The following SPAG16 variants were observed in gnomAD, a reference collection of about 807,000 sequenced individuals.
SPAG16 encodes the protein sperm-associated antigen 16 protein.
Under a neutral mutation model 80.4 loss-of-function variants are expected in SPAG16, and 86 were observed. That is an observed-to-expected ratio of 1.07 (90% CI 0.90 to 1.28). The LOEUF (loss-of-function observed/expected upper bound fraction) is 1.28. Among genes scored for constraint, SPAG16 ranks in the 50% most tolerant of loss-of-function variants. The probability of loss-of-function intolerance (pLI) is 0.00; values close to 1 mark genes in which losing one functional copy is unlikely to be tolerated. For synonymous variants in SPAG16, 294 were observed against 265.9 expected (o/e 1.11, Z -1.03); for missense variants, 870 against 765.3 (o/e 1.14, Z -1.61).
chr2:213,536,858 G>A (rs1575879938), intron 10 of SPAG16, among the ~76,000 whole-genome samples: 1 of 152,040 alleles, frequency 6.6e-6, no homozygotes, highest in African/African-American at 2.4e-5. Context: ...AAAGACACAT[G>A]CACACGTATG....
chr2:214,024,092 A>G (rs1214014933), intron 13 of SPAG16, among the ~76,000 whole-genome samples: 1 of 151,662 alleles, frequency 6.6e-6, no homozygotes, highest in African/African-American at 2.4e-5. Flanking sequence ...TTCCCAATCA[A>G]TTATTTAGAA....
At chr2:213,950,200 C>T (rs2079679723) in intron 12 of SPAG16, among the ~76,000 whole-genome samples, 1 of 152,174 alleles carries the variant, frequency 6.6e-6, no homozygotes, top group African/African-American at 2.4e-5. Context: ...CTGCTTCATA[C>T]ATATCAATGC....
intron 10 of SPAG16, among the ~76,000 whole-genome samples, chr2:213,850,824 T>A (rs1451962881): frequency 6.6e-6 from 1 of 152,204 alleles, no homozygotes; most frequent in Non-Finnish European, 1.5e-5. Flanking sequence ...ATATGTTGAC[T>A]TTCCATAAAT....
intron 2 of SPAG16, 42 bp downstream of exon 2, chr2:213,296,152 C>T (rs201492997): frequency 1.5e-6 from 2 of 1,346,326 alleles, no homozygotes; most frequent in Non-Finnish European, 2.1e-6. Flanking sequence ...AAATTTATTG[C>T]AGTCATTCTC....
chr2:214,261,686 T>A (rs1341198579), intron 15 of SPAG16, among the ~76,000 whole-genome samples: 17 of 152,228 alleles, frequency 1.1e-4, no homozygotes, highest in Non-Finnish European at 2.9e-5. Context: ...TTTTTATTTG[T>A]GCTTATTAAG....
chr2:214,108,532 T>A (rs1449651198), intron 14 of SPAG16, among the ~76,000 whole-genome samples: 2 of 150,136 alleles, frequency 1.3e-5, no homozygotes, highest in Non-Finnish European at 3.0e-5. Flanking sequence ...TCTACTGTAG[T>A]CAACTTTACT....
chr2:213,524,687 G>A (rs2075818428), intron 10 of SPAG16, among the ~76,000 whole-genome samples: 1 of 152,188 alleles, frequency 6.6e-6, no homozygotes, highest in Non-Finnish European at 1.5e-5. Flanking sequence ...ACTTGCATGG[G>A]GCATGTAGCC....
intron 11 of SPAG16, among the ~76,000 whole-genome samples, chr2:213,893,384 C>T (rs115254716): frequency 7.0e-4 from 106 of 152,162 alleles, no homozygotes; most frequent in Non-Finnish European, 1.1e-3. Context: ...GTATAAAACC[C>T]ACTGTTATAA....
rs546133363 is a variant in SPAG16 at position 213,942,255 on chromosome 2, C to T, written c.1400+12110C>T. Among the ~76,000 whole-genome samples the T allele has an allele frequency of 3.3e-5, 5 of 152,230 alleles. No individual in the cohort carries two copies. In the East Asian group the frequency reaches 5.8e-4, roughly 18 times the overall value. On this transcript the variant is annotated intron_variant, in intron 12 of 15. Transcript: ENST00000331683. ...TGGAAAAAAATCAGAATCAGGCTGA[C>T]CTGTTTCATTTCATGTTTATAACCT...
chr2:213,685,005 T>C (rs1020710330), intron 10 of SPAG16, among the ~76,000 whole-genome samples: 1 of 152,206 alleles, frequency 6.6e-6, no homozygotes. Context: ...GGAAGTCCTC[T>C]TTAAGAGGTT....
chr2:213,798,253 T>TTTTG (rs1429922036), intron 10 of SPAG16, among the ~76,000 whole-genome samples: 2 of 152,184 alleles, frequency 1.3e-5, no homozygotes, highest in East Asian at 3.9e-4. Flanking sequence ...CTATGGCATT[T>TTTTG]TTTGTTTGTT....
In SPAG16 at chr2:213,833,612, C is replaced by T. The variant is rs71426347; in HGVS notation, c.1071-28873C>T. Among the ~76,000 whole-genome samples, 55 of 62,448 alleles carry T rather than the reference C, an allele frequency of 8.8e-4. 1 individual carries two copies. The highest frequency in any genetic ancestry group is 6.5e-3 in the Middle Eastern group (1 of 154). The allele number at this position is 62,448 out of a possible 152,430, so 41.0% of individuals were successfully genotyped here. On this transcript the variant is annotated intron_variant, in intron 10 of 15. Coordinates refer to ENST00000331683, the MANE Select transcript of SPAG16 (RefSeq NM_024532.5). ...TTATATATATATAAAATCTCCTTGA[C>T]CTAACTTGTTCAGATGTCATTTTAT...
chr2:214,198,060 A>G (rs1226271080), intron 15 of SPAG16, among the ~76,000 whole-genome samples: 2 of 152,032 alleles, frequency 1.3e-5, no homozygotes, highest in Non-Finnish European at 2.9e-5. Flanking sequence ...TATTTCAAAC[A>G]TGGTAGCAGA....
At chr2:214,151,522 A>C (rs1215506349) in intron 15 of SPAG16, among the ~76,000 whole-genome samples, 1 of 152,170 alleles carries the variant, frequency 6.6e-6, no homozygotes, top group Non-Finnish European at 1.5e-5. Flanking sequence ...GTAATCTCAA[A>C]ATACACATTC....
At chr2:214,271,011 A>C (rs528507608) in intron 15 of SPAG16, among the ~76,000 whole-genome samples, 2 of 152,302 alleles carry the variant, frequency 1.3e-5, no homozygotes, top group East Asian at 3.9e-4. Flanking sequence ...AAGTCTAGGA[A>C]ATGATTTCTG....
chr2:213,641,956 T>C (rs931805210), intron 10 of SPAG16, among the ~76,000 whole-genome samples: 1 of 152,188 alleles, frequency 6.6e-6, no homozygotes, highest in African/African-American at 2.4e-5. Context: ...CCATCAGATG[T>C]CATGATAAGT....
At chr2:213,723,447 G>T (rs1267718219) in intron 10 of SPAG16, among the ~76,000 whole-genome samples, 1 of 152,144 alleles carries the variant, frequency 6.6e-6, no homozygotes, top group East Asian at 1.9e-4. Flanking sequence ...GAAGTCTGAG[G>T]GAAAGATGGG....
At chr2:213,346,531 C>G (rs2065000504) in intron 6 of SPAG16, among the ~76,000 whole-genome samples, 1 of 152,092 alleles carries the variant, frequency 6.6e-6, no homozygotes, top group African/African-American at 2.4e-5. Context: ...TCATAGATAG[C>G]TCTTATTATT....
chr2:213,834,584 T>C (rs904973867), intron 10 of SPAG16, among the ~76,000 whole-genome samples: 1 of 152,122 alleles, frequency 6.6e-6, no homozygotes, highest in Admixed American at 6.6e-5. Flanking sequence ...GTGACCTTTC[T>C]AGGTTTTATG....
Sources: gnomAD v4.1 joint callset for allele counts (sites outside exome capture counted in the v4.1 genomes callset) on GRCh38, gnomAD v4.1.1 for gene constraint, MANE v1.5 for transcripts, NCBI Gene and HGNC (gene_info 2026-07-23, HGNC 2026-07-21) for gene names.